The following CREB3L2 variants were observed in gnomAD, a reference collection of about 807,000 sequenced individuals.
CREB3L2 encodes cyclic AMP-responsive element-binding protein 3-like protein 2.
A neutral mutation model predicts 57.2 loss-of-function variants in CREB3L2; 23 were observed. That is an observed-to-expected ratio of 0.40 (90% CI 0.29 to 0.57). CREB3L2 has a LOEUF of 0.57. Among genes scored for constraint, CREB3L2 ranks in the 20% least tolerant of loss-of-function variants. The pLI is 0.42. For missense variants in CREB3L2, 628 were observed against 634.7 expected, an observed-to-expected ratio of 0.99 and a Z score of 0.11; for synonymous variants, 268 against 265.1, an observed-to-expected ratio of 1.01 and a Z score of -0.11.
intron 1 of CREB3L2, among the ~76,000 whole-genome samples, chr7:137,957,457 G>A (rs12668658): frequency 0.18 from 27,333 of 151,878 alleles, 3,201 homozygotes; most frequent in East Asian, 0.33. Flanking sequence ...TTTCCCCACC[G>A]TCTGTACAGC....
chr7:137,961,965 C>A (rs274007), intron 1 of CREB3L2, among the ~76,000 whole-genome samples: 68,092 of 151,842 alleles, frequency 0.45, 17,520 homozygotes, highest in East Asian at 0.74. Context: ...TCACACTGCT[C>A]CCCTGTGTCT....
intron 5 of CREB3L2, among the ~76,000 whole-genome samples, chr7:137,906,500 T>C (rs1429950494): frequency 1.3e-5 from 2 of 152,210 alleles, no homozygotes; most frequent in Non-Finnish European, 2.9e-5. Flanking sequence ...CCATACTAAA[T>C]GCCATGGAGG....
At chr7:137,953,448 C>T (rs762266803) in intron 1 of CREB3L2, 17 of 1,285,764 alleles carry the variant, frequency 1.3e-5, no homozygotes, top group Admixed American at 4.6e-5. Context: ...GTATCTGAGA[C>T]CTGCTGTTGG....
chr7:137,955,064 A>G (rs547255645), intron 1 of CREB3L2, among the ~76,000 whole-genome samples: 33 of 152,308 alleles, frequency 2.2e-4, no homozygotes, highest in African/African-American at 7.7e-4. Context: ...CACCACGTTA[A>G]CCTACATTTA....
chr7:137,899,199 G>A (rs569067207), intron 8 of CREB3L2, among the ~76,000 whole-genome samples: 2 of 151,026 alleles, frequency 1.3e-5, no homozygotes, highest in African/African-American at 4.9e-5. Context: ...CTGCAGAGGA[G>A]AGGAGAGACT....
rs768358209 is a variant in CREB3L2 at position 137,882,586 on chromosome 7, G to A, written c.1313C>T (p.Pro438Leu). The A allele has an allele frequency of 2.0e-5, 32 of 1,611,774 alleles. No homozygotes were observed. Among genetic ancestry groups the A allele is most frequent in the Non-Finnish European group, 2.5e-5 (30 of 1,178,306 alleles). The part of the protein sequence containing the change: ...NLLIYEEHSP[P>L]EESSSPGSAG... ...CGAGCCCGGGCTGGATGACTCCTCT[G>A]GGGGAGAATGTTCCTCGTAGATCAG... Residue 438 changes from proline (P) to leucine (L), a missense_variant, in exon 11 of 12, where the codon CCA (proline) becomes CTA (leucine). By Grantham distance (98) the Pro-to-Leu change is moderately conservative. This residue lies in a region of CREB3L2 where 272 missense variants were observed against 242.7 expected (regional missense o/e 1.12). Coordinates refer to ENST00000330387, the MANE Select transcript of CREB3L2 (RefSeq NM_194071.4).
At chr7:137,919,065 A>T (rs1800214351) in intron 2 of CREB3L2, among the ~76,000 whole-genome samples, 1 of 152,182 alleles carries the variant, frequency 6.6e-6, no homozygotes, top group South Asian at 2.1e-4. Context: ...TTGAGGGCAA[A>T]CAACAGGCGC....
At chr7:137,960,805 A>ATT (rs1338965683) in intron 1 of CREB3L2, among the ~76,000 whole-genome samples, 1 of 81,960 alleles carries the variant, frequency 1.2e-5, no homozygotes, top group Non-Finnish European at 2.4e-5. Context: ...AAACTAAATT[A>ATT]TTTCTTTTTT....
chr7:137,878,554 CAA>C lies in CREB3L2; in HGVS notation c.*1920_*1921del, dbSNP rs1799209001. On this transcript the variant is annotated 3_prime_UTR_variant, in exon 12 of 12. Coordinates refer to ENST00000330387, the MANE Select transcript of CREB3L2 (RefSeq NM_194071.4). ...GAGAAGCAGAAGCAGAACCTACTAGCAACCCTCCTCCTGCACAGCTCAGACAG... is the reference window on the plus strand; with the variant it reads ...GAGAAGCAGAAGCAGAACCTACTAGCCCCTCCTCCTGCACAGCTCAGACAG... The C allele has an allele frequency of 4.3e-6, 1 of 233,352 alleles. No homozygotes were observed. The highest frequency in any genetic ancestry group is 8.5e-6 in the Non-Finnish European group (1 of 118,292). 14.5% of individuals were successfully genotyped at this position (233,352 alleles called of 1,614,324 possible).
intron 5 of CREB3L2, among the ~76,000 whole-genome samples, chr7:137,907,395 T>G (rs896155264): frequency 1.4e-4 from 22 of 152,090 alleles, no homozygotes; most frequent in African/African-American, 5.1e-4. Context: ...ATCCAAGGAG[T>G]GAAGTCAGGT....
intron 1 of CREB3L2, among the ~76,000 whole-genome samples, chr7:137,978,406 T>C (rs959813108): frequency 1.3e-5 from 2 of 152,200 alleles, no homozygotes; most frequent in Non-Finnish European, 2.9e-5. Flanking sequence ...TGGCAGCTGC[T>C]TCCTTTAAGC....
chr7:137,900,664 C>G (rs983181711), intron 8 of CREB3L2, among the ~76,000 whole-genome samples: 1 of 151,494 alleles, frequency 6.6e-6, no homozygotes, highest in South Asian at 2.1e-4. Flanking sequence ...ATTAGCCGGA[C>G]GTGGTGGCGC....
At chr7:137,984,130 G>A (rs1801756178) in intron 1 of CREB3L2, among the ~76,000 whole-genome samples, 1 of 152,222 alleles carries the variant, frequency 6.6e-6, no homozygotes, top group Non-Finnish European at 1.5e-5. Context: ...CCATCTCACA[G>A]GTCCCGACCA....
intron 1 of CREB3L2, chr7:137,934,004 C>T (rs17183616): frequency 0.091 from 13,868 of 152,288 alleles, 933 homozygotes; most frequent in Admixed American, 0.22. Flanking sequence ...AACGCTTTAG[C>T]GAAGTACTGC....
chr7:137,931,536 A>C (rs10229718), intron 1 of CREB3L2, among the ~76,000 whole-genome samples: 3,696 of 151,502 alleles, frequency 0.024, 137 homozygotes, highest in African/African-American at 0.076. Context: ...AAAAAAAAAA[A>C]AAAAAAACTG....
chr7:137,962,699 G>A (rs961634018), intron 1 of CREB3L2, among the ~76,000 whole-genome samples: 1 of 150,686 alleles, frequency 6.6e-6, no homozygotes, highest in Non-Finnish European at 1.5e-5. Context: ...AACATGAATC[G>A]CCCCCTAAGA....
chr7:137,944,917 G>C (rs1800942687), intron 1 of CREB3L2, among the ~76,000 whole-genome samples: 1 of 151,676 alleles, frequency 6.6e-6, no homozygotes, highest in East Asian at 1.9e-4. Flanking sequence ...TTTTGAGACA[G>C]AGTCTTGCTC....
rs968631353 is a variant in CREB3L2, at chr7:137,953,547, G to A, written c.103-25181C>T. 1.0e-5 allele frequency: 13 copies of A among 1,285,600 alleles called. No homozygotes were observed. The African/African-American group carries it at 1.2e-4, about 12-fold the overall frequency. 79.6% of individuals were successfully genotyped at this position (1,285,600 alleles called of 1,614,324 possible). The stretch of plus-strand genomic sequence containing the variant: ...AAGGTATGCGGGTTTGCAGAGGAGG[G>A]GAGAGTTGGGTGGGTGATGACGGTC... On this transcript the variant is annotated intron_variant, in intron 1 of 11. Transcript: ENST00000330387.
chr7:137,878,854 G>A lies in CREB3L2; in HGVS notation c.*1622C>T, dbSNP rs1037797959. 9 of 310,260 alleles carry A rather than the reference G, an allele frequency of 2.9e-5. No individual in the cohort carries two copies. Among genetic ancestry groups the A allele is most frequent in the Admixed American group, 1.9e-4 (4 of 21,042 alleles). The allele number at this position is 310,260 out of a possible 1,614,324, so 19.2% of individuals were successfully genotyped here. A position where few individuals can be genotyped will look rare whatever the true frequency, so the allele number is the denominator to read the frequency against. On this transcript the variant is annotated 3_prime_UTR_variant, in exon 12 of 12. Coordinates refer to ENST00000330387, the MANE Select transcript of CREB3L2 (RefSeq NM_194071.4). ...GTACCTGATATGGAATGGAAGCCAGGGTGTGGGCTTAATCCCTCTAAGTAC... is the reference window on the plus strand; with the variant it reads ...GTACCTGATATGGAATGGAAGCCAGAGTGTGGGCTTAATCCCTCTAAGTAC...
Sources: allele counts gnomAD v4.1 joint callset (sites outside exome capture counted in the v4.1 genomes callset), GRCh38; gene constraint gnomAD v4.1.1; regional missense constraint gnomAD v4.1.1; transcripts MANE v1.5; gene names NCBI Gene and HGNC (gene_info 2026-07-23, HGNC 2026-07-21).